Variants in MYT1L observed in about 807,000 individuals in gnomAD.
The protein encoded by MYT1L is myelin transcription factor 1 like, also known as myelin transcription factor 1-like protein.
MYT1L carries 12 observed loss-of-function variants against 126.7 expected under a neutral mutation model. The ratio of observed to expected loss-of-function variants is 0.09; its 90% confidence interval spans 0.06 to 0.15. The LOEUF (loss-of-function observed/expected upper bound fraction) is 0.15, where lower values mean the gene tolerates loss of function less well. Ranked by LOEUF, MYT1L falls within the 10% of genes least tolerant of loss-of-function variation. The pLI, the probability that MYT1L is intolerant of heterozygous loss-of-function variation, is 1.00. For missense variants in MYT1L, 979 were observed against 1,585.2 expected (o/e 0.62, Z 6.49); for synonymous variants, 541 against 604.2 (o/e 0.90, Z 1.53).
At chr2:2,302,963 A>G (rs1024226803) in intron 1 of MYT1L, among the ~76,000 whole-genome samples, 1 of 152,104 alleles carries the variant, frequency 6.6e-6, no homozygotes, top group African/African-American at 2.4e-5. Context: ...ACATGTATTT[A>G]TTTTTAGTCA....
intron 13 of MYT1L, among the ~76,000 whole-genome samples, chr2:1,906,260 T>C (rs931797517): frequency 2.6e-5 from 4 of 152,214 alleles, no homozygotes; most frequent in African/African-American, 7.2e-5. Context: ...TATGCTTCCA[T>C]TTTACATGAG....
intron 3 of MYT1L, among the ~76,000 whole-genome samples, chr2:2,077,778 A>G (rs1279008324): frequency 6.6e-6 from 1 of 152,218 alleles, no homozygotes; most frequent in African/African-American, 2.4e-5. Context: ...AAAACAGAGA[A>G]TTTATTGCTA....
chr2:2,095,856 C>T (rs2077405729), intron 3 of MYT1L, among the ~76,000 whole-genome samples: 1 of 152,192 alleles, frequency 6.6e-6, no homozygotes, highest in African/African-American at 2.4e-5. Context: ...TGGTCAGATA[C>T]GGCGTCCTCT....
chr2:1,802,021 T>G lies in MYT1L; in HGVS notation c.3173-222A>C, dbSNP rs898310840. ...TCCCCTACAAAAAGGAACAAACAAT[T>G]GAGACGCACAGAAGACTCCCAGGCA... On this transcript the variant is annotated intron_variant, in intron 22 of 24. Transcript: ENST00000647738. 6.5e-6 allele frequency: 3 copies of G among 463,664 alleles called. No homozygotes were observed. In the Admixed American group the frequency reaches 1.2e-4, roughly 18 times the overall value. The allele number at this position is 463,664 out of a possible 1,614,324, so 28.7% of individuals were successfully genotyped here.
intron 18 of MYT1L, among the ~76,000 whole-genome samples, chr2:1,872,064 G>C (rs12618341): frequency 0.069 from 10,530 of 152,254 alleles, 557 homozygotes; most frequent in East Asian, 0.24. Context: ...CATGAAGGTG[G>C]AGCTAGTGTG....
intron 1 of MYT1L, among the ~76,000 whole-genome samples, chr2:2,329,305 G>T (rs1375619287): frequency 6.6e-6 from 1 of 151,658 alleles, no homozygotes; most frequent in Non-Finnish European, 1.5e-5. Context: ...ACTTTTTGTG[G>T]GTGGGGGTGG....
chr2:1,825,035 G>A (rs1039409880), intron 21 of MYT1L: 1 of 152,508 alleles, frequency 6.6e-6, no homozygotes, highest in African/African-American at 2.4e-5. Flanking sequence ...AGAGGAGTAA[G>A]GGGTTTGGAT....
At chr2:1,985,059 C>A (rs984112089) in intron 5 of MYT1L, among the ~76,000 whole-genome samples, 1 of 152,176 alleles carries the variant, frequency 6.6e-6, no homozygotes, top group Non-Finnish European at 1.5e-5. Flanking sequence ...GCTTGGACTG[C>A]AGGCTGGGTT....
intron 3 of MYT1L, among the ~76,000 whole-genome samples, chr2:2,156,660 C>T (rs912996278): frequency 2.0e-5 from 3 of 152,182 alleles, no homozygotes; most frequent in South Asian, 2.1e-4. Context: ...TATATCTACG[C>T]TTACGTTGGC....
chr2:2,026,722 T>A (rs2065630223), intron 4 of MYT1L, among the ~76,000 whole-genome samples: 1 of 152,068 alleles, frequency 6.6e-6, no homozygotes, highest in African/African-American at 2.4e-5. Flanking sequence ...AACCTCTCCG[T>A]CCAGGGCGGG....
At chr2:2,125,021 G>A (rs1458953838) in intron 3 of MYT1L, among the ~76,000 whole-genome samples, 3 of 152,190 alleles carry the variant, frequency 2.0e-5, no homozygotes, top group Non-Finnish European at 4.4e-5. Context: ...AGTTAGTTGA[G>A]GTTTTCTTAA....
rs553851939 is a variant in MYT1L at position 2,176,891 on chromosome 2, T to C, written c.-420-3903A>G. Among the ~76,000 whole-genome samples, 257 of 152,362 alleles carry C rather than the reference T, an allele frequency of 1.7e-3. 1 individual carries two copies. Among genetic ancestry groups the C allele is most frequent in the African/African-American group, 5.5e-3 (227 of 41,586 alleles). ...TAAAAGGACACCAGCAAATGCAATT[T>C]GTAACCTGGAAGTATGTATAGATAA... On this transcript the variant is annotated intron_variant, in intron 2 of 24. Coordinates refer to ENST00000647738, the MANE Select transcript of MYT1L (RefSeq NM_001303052.2).
At chr2:2,310,227 C>G (rs1330197965) in intron 1 of MYT1L, among the ~76,000 whole-genome samples, 2 of 152,098 alleles carry the variant, frequency 1.3e-5, no homozygotes, top group African/African-American at 4.8e-5. Context: ...ACTCCAGTTA[C>G]ATTTCAGCAT....
At chr2:2,137,779 G>A (rs1313694511) in intron 3 of MYT1L, among the ~76,000 whole-genome samples, 22 of 147,342 alleles carry the variant, frequency 1.5e-4, no homozygotes, top group East Asian at 9.6e-4. Context: ...CATAGGCACC[G>A]CAAGGACTTC....
intron 1 of MYT1L, among the ~76,000 whole-genome samples, chr2:2,295,631 C>G (rs1268082469): frequency 3.4e-4 from 12 of 34,824 alleles, no homozygotes; most frequent in Admixed American, 9.2e-4. Context: ...GAGAGACAGA[C>G]AGACAGAGAG....
intron 4 of MYT1L, among the ~76,000 whole-genome samples, chr2:1,998,580 G>A (rs1468285142): frequency 1.3e-5 from 2 of 152,152 alleles, no homozygotes; most frequent in East Asian, 1.9e-4. Flanking sequence ...ATAAGGGATG[G>A]AGCATGTATG....
intron 3 of MYT1L, among the ~76,000 whole-genome samples, chr2:2,099,985 T>C (rs2150464193): frequency 6.6e-6 from 1 of 152,350 alleles, no homozygotes; most frequent in South Asian, 2.1e-4. Flanking sequence ...GCCATAGGCC[T>C]TGTCCATCCT....
intron 8 of MYT1L, among the ~76,000 whole-genome samples, chr2:1,976,046 G>A (rs1194736224): frequency 6.7e-6 from 1 of 149,898 alleles, no homozygotes; most frequent in Admixed American, 6.7e-5. Flanking sequence ...TATTGCTGAT[G>A]CAGTGTATGA....
intron 21 of MYT1L, among the ~76,000 whole-genome samples, chr2:1,837,278 G>T (rs191414269): frequency 8.3e-4 from 126 of 152,348 alleles, no homozygotes; most frequent in Non-Finnish European, 1.2e-3. Context: ...CTCCGCAGAG[G>T]CAGCTCTGAA....
Sources: gnomAD v4.1 joint callset for allele counts (sites outside exome capture counted in the v4.1 genomes callset) on GRCh38, gnomAD v4.1.1 for gene constraint, MANE v1.5 for transcripts, NCBI Gene and HGNC (gene_info 2026-07-23, HGNC 2026-07-21) for gene names.